LCORL: variants seen among roughly 807,000 people sequenced by gnomAD.
LCORL encodes the protein ligand dependent nuclear receptor corepressor like, also known as ligand-dependent nuclear receptor corepressor-like protein.
A neutral mutation model predicts 141.8 loss-of-function variants in LCORL; 41 were observed. The ratio of observed to expected loss-of-function variants is 0.29; its 90% CI spans 0.23 to 0.38. LCORL has a LOEUF of 0.38. Ranked by LOEUF, LCORL falls within the 10% of genes least tolerant of loss-of-function variation. The pLI is 1.00. For missense variants in LCORL, 1,759 were observed against 2,035.0 expected (o/e 0.86, Z 2.61); for synonymous variants, 618 against 694.1 (o/e 0.89, Z 1.72).
intron 6 of LCORL, chr4:17,880,295 AG>A (rs1275808492): frequency 3.7e-5 from 12 of 327,234 alleles, no homozygotes; most frequent in African/African-American, 2.2e-4. Flanking sequence ...AGGATCTTAA[AG>A]AAAAACCTAG....
At position 17,902,614 on chromosome 4, in the gene LCORL, ACT is replaced by A. The variant is rs1731052064; in HGVS notation, c.682+6478_682+6479del. 2.6e-5 allele frequency among the ~76,000 whole-genome samples: 4 copies of A among 152,206 alleles called. No homozygotes were observed. The South Asian group carries it at 8.3e-4, about 32-fold the overall frequency. On this transcript the variant is annotated intron_variant, in intron 5 of 7. Coordinates refer to ENST00000635767, the Ensembl canonical transcript of LCORL. ...ACATAACATCATAAAACTATACGTG[ACT>A]CTCTTACACATAGTAACACCTACCT... is the stretch of plus-strand genomic sequence containing the variant.
At chr4:17,972,950 CAT>C in intron 1 of LCORL, 65 bp from the exon 2 acceptor site, 1 of 707,838 alleles carries the variant, frequency 1.4e-6, no homozygotes, top group Non-Finnish European at 2.1e-6. Flanking sequence ...AATTTAAAGT[CAT>C]AAACTCTGTA....
intron 5 of LCORL, among the ~76,000 whole-genome samples, chr4:17,907,667 C>T (rs61068084): frequency 0.078 from 11,920 of 152,060 alleles, 960 homozygotes; most frequent in African/African-American, 0.21. Flanking sequence ...TTTTTTTACC[C>T]ATCTGTGGTG....
rs544165167 is a variant in LCORL at position 17,863,828 on chromosome 4, G to A, written c.5602+9560C>T. On this transcript the variant is annotated intron_variant, in intron 7 of 7. Transcript: ENST00000635767. ...ACTATGCAGCCATAAAAAGCAATGCGATCATGTCCTCTGCAGCAACATGGA... is the reference window on the plus strand; with the variant it reads ...ACTATGCAGCCATAAAAAGCAATGCAATCATGTCCTCTGCAGCAACATGGA... 4.6e-5 allele frequency among the ~76,000 whole-genome samples: 7 copies of A among 152,286 alleles called. No individual in the cohort carries two copies. The South Asian group carries it at 1.0e-3, about 23-fold the overall frequency.
intron 4 of LCORL, among the ~76,000 whole-genome samples, chr4:17,933,131 C>T (rs1173979739): frequency 2.7e-5 from 4 of 149,416 alleles, no homozygotes; most frequent in African/African-American, 1.0e-4. Context: ...CATACTTTTA[C>T]CAGGATGTCT....
At chr4:17,849,414 A>G (rs1431130251) in intron 7 of LCORL, among the ~76,000 whole-genome samples, 1 of 152,214 alleles carries the variant, frequency 6.6e-6, no homozygotes, top group Non-Finnish European at 1.5e-5. Context: ...CCAGGCAAAC[A>G]GGGTCTGGAG....
intron 7 of LCORL, among the ~76,000 whole-genome samples, chr4:17,867,244 AT>A (rs1256693841): frequency 1.3e-5 from 2 of 152,030 alleles, no homozygotes; most frequent in Non-Finnish European, 2.9e-5. Context: ...ACCTTAATAT[AT>A]TTTTTAAAAG....
chr4:17,970,155 A>G (rs2109653136), intron 2 of LCORL, among the ~76,000 whole-genome samples: 1 of 152,350 alleles, frequency 6.6e-6, no homozygotes, highest in South Asian at 2.1e-4. Context: ...AAAGTACCAT[A>G]GTACGGTGGA....
exon 7 of LCORL, chr4:17,873,992 G>T: frequency 8.1e-7 from 1 of 1,234,062 alleles, no homozygotes; most frequent in Non-Finnish European, 1.0e-6. Flanking sequence ...AGTCACCCCT[G>T]ATCTCAGGTG....
chr4:17,950,850 T>C (rs796246941), intron 4 of LCORL, among the ~76,000 whole-genome samples: 2 of 151,148 alleles, frequency 1.3e-5, no homozygotes, highest in African/African-American at 4.8e-5. Context: ...TACAAGTGAG[T>C]TTGATCATGA....
chr4:17,946,449 T>C (rs182681014), intron 4 of LCORL, among the ~76,000 whole-genome samples: 2 of 152,060 alleles, frequency 1.3e-5, no homozygotes. Flanking sequence ...TTTAGTAAAT[T>C]GAGAAGCAAG....
chr4:17,874,405 G>A, exon 7 of LCORL: 1 of 1,233,746 alleles, frequency 8.1e-7, no homozygotes, highest in Non-Finnish European at 1.0e-6. Flanking sequence ...ACTTCCAAAG[G>A]GTTTCGGGCA....
intron 7 of LCORL, among the ~76,000 whole-genome samples, chr4:17,872,615 G>A (rs574466126): frequency 1.3e-5 from 2 of 152,218 alleles, no homozygotes; most frequent in East Asian, 1.9e-4. Context: ...AGTAAAGGAT[G>A]TAATTGTTTG....
At chr4:17,990,116 T>G (rs1359774703) in intron 1 of LCORL, among the ~76,000 whole-genome samples, 44 of 146,452 alleles carry the variant, frequency 3.0e-4, no homozygotes, top group Non-Finnish European at 6.3e-4. Flanking sequence ...TTTTTTTTTT[T>G]GAAATGGAGT....
At chr4:17,902,754 A>T (rs1484648933) in intron 5 of LCORL, among the ~76,000 whole-genome samples, 1 of 152,060 alleles carries the variant, frequency 6.6e-6, no homozygotes, top group Admixed American at 6.6e-5. Context: ...TAGTCTCTCA[A>T]ATAGTCACTT....
At chr4:17,843,173 T>TAAGTC (rs1553852350) in exon 8 of LCORL, 1 of 1,001,870 alleles carries the variant, frequency 1.0e-6, no homozygotes, top group Non-Finnish European at 1.4e-6. Context: ...AGTTTTAAGC[T>TAAGTC]AAGTCAATGG....
At chr4:17,892,261 T>C (rs938759878) in intron 5 of LCORL, among the ~76,000 whole-genome samples, 2 of 147,954 alleles carry the variant, frequency 1.4e-5, no homozygotes, top group Non-Finnish European at 3.0e-5. Flanking sequence ...CAGGCTGGAG[T>C]GCAGTGGCAC....
At chr4:17,971,517 A>G (rs1715936680) in intron 2 of LCORL, among the ~76,000 whole-genome samples, 1 of 151,148 alleles carries the variant, frequency 6.6e-6, no homozygotes, top group South Asian at 2.1e-4. Flanking sequence ...TACAGAATAC[A>G]TCTTTTGCAT....
chr4:17,919,979 C>T (rs1476426168), intron 4 of LCORL, among the ~76,000 whole-genome samples: 1 of 152,212 alleles, frequency 6.6e-6, no homozygotes, highest in East Asian at 1.9e-4. Flanking sequence ...GGGTGGCACA[C>T]CCAGGGAGGG....
Sources: gnomAD v4.1 joint callset for allele counts (sites outside exome capture counted in the v4.1 genomes callset) on GRCh38, gnomAD v4.1.1 for gene constraint, MANE v1.5 for transcripts, NCBI Gene and HGNC (gene_info 2026-07-23, HGNC 2026-07-21) for gene names.